CNTNAP2: variants seen among roughly 807,000 people sequenced by gnomAD.
CNTNAP2 encodes the protein contactin-associated protein-like 2.
A neutral mutation model predicts 155.2 loss-of-function variants in CNTNAP2; 98 were observed. The ratio of observed to expected loss-of-function variants is 0.63; its 90% CI spans 0.54 to 0.75. CNTNAP2 has a LOEUF of 0.75. CNTNAP2 is among the 30% of genes least tolerant of loss of function. CNTNAP2 has a pLI of 0.00. For synonymous variants in CNTNAP2, 651 were observed against 631.2 expected (o/e 1.03, Z -0.47); for missense variants, 1,727 against 1,688.1 (o/e 1.02, Z -0.40).
chr7:146,656,960 C>T (rs1800005656), intron 1 of CNTNAP2, among the ~76,000 whole-genome samples: 3 of 152,150 alleles, frequency 2.0e-5, no homozygotes, highest in Admixed American at 2.0e-4. Context: ...AATTCAATGC[C>T]TCTTTTTGTC....
chr7:147,965,934 T>C (rs1801201493), intron 14 of CNTNAP2, among the ~76,000 whole-genome samples: 2 of 152,108 alleles, frequency 1.3e-5, no homozygotes, highest in Admixed American at 6.6e-5. Flanking sequence ...ATTGATAACA[T>C]AAAAACAAAT....
chr7:147,177,701 A>G (rs1802377130), intron 8 of CNTNAP2, among the ~76,000 whole-genome samples: 1 of 152,228 alleles, frequency 6.6e-6, no homozygotes, highest in Admixed American at 6.5e-5. Context: ...AACTGCATAG[A>G]CTTGGTGTTT....
At chr7:148,050,999 G>A (rs1338916889) in intron 15 of CNTNAP2, among the ~76,000 whole-genome samples, 6 of 152,138 alleles carry the variant, frequency 3.9e-5, no homozygotes, top group Admixed American at 1.3e-4. Flanking sequence ...ATTGCCTAGA[G>A]ACACACTCCT....
chr7:148,087,733 G>C (rs561069364), intron 15 of CNTNAP2, among the ~76,000 whole-genome samples: 4 of 152,218 alleles, frequency 2.6e-5, no homozygotes, highest in African/African-American at 9.6e-5. Flanking sequence ...CCTACCATAA[G>C]TAGTAAAGAG....
intron 1 of CNTNAP2, among the ~76,000 whole-genome samples, chr7:146,418,544 G>T (rs910881406): frequency 2.0e-5 from 3 of 151,984 alleles, no homozygotes; most frequent in African/African-American, 7.3e-5. Context: ...ACAAAGTTCT[G>T]CAACTTTTTG....
intron 8 of CNTNAP2, among the ~76,000 whole-genome samples, chr7:147,294,485 T>C (rs1805384331): frequency 6.6e-6 from 1 of 152,204 alleles, no homozygotes; most frequent in South Asian, 2.1e-4. Flanking sequence ...GTATATGTTT[T>C]CCCAAGCCTC....
At chr7:146,317,879 C>T (rs1365777639) in intron 1 of CNTNAP2, among the ~76,000 whole-genome samples, 2 of 152,176 alleles carry the variant, frequency 1.3e-5, no homozygotes, top group Admixed American at 6.5e-5. Context: ...TGGCGGCTCA[C>T]GCCTGTAATC....
chr7:146,858,760 GGTA>G (rs1251963221), intron 3 of CNTNAP2, among the ~76,000 whole-genome samples: 2 of 152,080 alleles, frequency 1.3e-5, no homozygotes, highest in Non-Finnish European at 2.9e-5. Flanking sequence ...GTTGCTGAAA[GGTA>G]GTCATATTTA....
At chr7:147,017,271 G>A (rs933375915) in intron 3 of CNTNAP2, among the ~76,000 whole-genome samples, 1 of 150,230 alleles carries the variant, frequency 6.7e-6, no homozygotes, top group African/African-American at 2.5e-5. Context: ...TTACACACAC[G>A]TTATTTAACT....
At chr7:147,112,047 T>G (rs1800891893) in intron 5 of CNTNAP2, among the ~76,000 whole-genome samples, 1 of 152,190 alleles carries the variant, frequency 6.6e-6, no homozygotes, top group African/African-American at 2.4e-5. Context: ...ATCTCTGATT[T>G]CTTTGAGCAG....
intron 3 of CNTNAP2, among the ~76,000 whole-genome samples, chr7:146,866,064 A>G (rs1478565642): frequency 6.6e-6 from 1 of 152,100 alleles, no homozygotes. Context: ...CCATCCAAAC[A>G]TAATAACAAA....
chr7:147,674,464 T>G (rs1272209554), intron 13 of CNTNAP2, among the ~76,000 whole-genome samples: 1 of 152,168 alleles, frequency 6.6e-6, no homozygotes, highest in Non-Finnish European at 1.5e-5. Context: ...AGACATATTA[T>G]TAGAGCTTTT....
Position 147,395,786 on chromosome 7 carries a change from T to C in CNTNAP2, c.1670+6T>C. 6.2e-7 allele frequency: 1 copy of C among 1,611,698 alleles called. No homozygotes were observed. The highest frequency in any genetic ancestry group is 8.5e-7 in the Non-Finnish European group (1 of 1,178,252). On this transcript the variant is annotated splice_donor_region_variant and intron_variant, in intron 10 of 23. Coordinates refer to ENST00000361727, the MANE Select transcript of CNTNAP2 (RefSeq NM_014141.6). ...ATGTGTGCGATCATAGACAGGTAAA[T>C]GATCTTTTCATCCTACCTCACGTTG...
In CNTNAP2 at chr7:146,238,973, G is replaced by T. The variant is rs1213516673; in HGVS notation, c.97+122000G>T. Among the ~76,000 whole-genome samples, 4 of 152,164 alleles carry T rather than the reference G, an allele frequency of 2.6e-5. No homozygotes were observed. In the East Asian group the frequency reaches 7.7e-4, roughly 29 times the overall value. On this transcript the variant is annotated intron_variant, in intron 1 of 23. Coordinates refer to ENST00000361727, the MANE Select transcript of CNTNAP2 (RefSeq NM_014141.6). Reference sequence around the variant, plus strand: ...CCTGGTCTCTCCCTTGACAGGTGAGGATTGTGGGGATTACAATTCAAGATG... The same window carrying T: ...CCTGGTCTCTCCCTTGACAGGTGAGTATTGTGGGGATTACAATTCAAGATG...
chr7:146,391,433 T>A (rs915292756), intron 1 of CNTNAP2, among the ~76,000 whole-genome samples: 2 of 152,052 alleles, frequency 1.3e-5, no homozygotes, highest in Non-Finnish European at 2.9e-5. Flanking sequence ...CCCCTGTGTG[T>A]TTTTTGTGGG....
chr7:146,902,268 C>G (rs1407372574), intron 3 of CNTNAP2, among the ~76,000 whole-genome samples: 4 of 152,130 alleles, frequency 2.6e-5, no homozygotes, highest in Non-Finnish European at 5.9e-5. Flanking sequence ...ATCATATGCT[C>G]TCCTGAACTA....
intron 9 of CNTNAP2, among the ~76,000 whole-genome samples, chr7:147,308,489 C>T (rs973042805): frequency 1.8e-4 from 27 of 152,218 alleles, no homozygotes; most frequent in African/African-American, 6.3e-4. Flanking sequence ...GAGGTCCAGC[C>T]AGCAGGACTT....
chr7:146,460,732 A>G (rs1796623796), intron 1 of CNTNAP2, among the ~76,000 whole-genome samples: 1 of 152,216 alleles, frequency 6.6e-6, no homozygotes, highest in Non-Finnish European at 1.5e-5. Flanking sequence ...ACAGAAAGAC[A>G]AACACTGCAT....
chr7:148,226,428 G>T (rs1235560349), intron 19 of CNTNAP2, among the ~76,000 whole-genome samples: 1 of 151,900 alleles, frequency 6.6e-6, no homozygotes, highest in Non-Finnish European at 1.5e-5. Flanking sequence ...TTGCTAAACT[G>T]TCTCTCTCTA....
Sources: gnomAD v4.1 joint callset for allele counts (sites outside exome capture counted in the v4.1 genomes callset) on GRCh38, gnomAD v4.1.1 for gene constraint, MANE v1.5 for transcripts, NCBI Gene and HGNC (gene_info 2026-07-23, HGNC 2026-07-21) for gene names.